PIK3CB: variants seen among roughly 807,000 people sequenced by gnomAD.
The protein encoded by PIK3CB is phosphatidylinositol-4,5-bisphosphate 3-kinase catalytic subunit beta.
In PIK3CB, 39 loss-of-function variants were observed where a neutral mutation model predicts 136.8. The observed-to-expected ratio is 0.29, with a 90% CI of 0.22 to 0.37. The LOEUF (loss-of-function observed/expected upper bound fraction) is 0.37, where lower values mean the gene tolerates loss of function less well. PIK3CB is among the 10% of genes least tolerant of loss of function. The probability of loss-of-function intolerance (pLI) is 1.00; values close to 1 mark genes in which losing one functional copy is unlikely to be tolerated. For missense variants in PIK3CB, 868 were observed against 1,275.4 expected (o/e 0.68, Z 4.87); for synonymous variants, 428 against 436.6 (o/e 0.98, Z 0.25).
At chr3:138,812,439 A>T (rs965414473) in intron 1 of PIK3CB, among the ~76,000 whole-genome samples, 2 of 150,782 alleles carry the variant, frequency 1.3e-5, no homozygotes, top group Admixed American at 6.6e-5. Context: ...GTTTCACCAC[A>T]TTGGTCAAAC....
At chr3:138,656,027 C>A (rs1394659991) in intron 23 of PIK3CB, 115 bp downstream of exon 23, 23 of 1,033,714 alleles carry the variant, frequency 2.2e-5, no homozygotes, top group Non-Finnish European at 3.3e-5. Flanking sequence ...GGCTAAGAAC[C>A]ATCTTAGAGG....
rs999401345 is a variant in PIK3CB, at chr3:138,655,211, G to A, written c.*178C>T. 4.9e-5 allele frequency: 29 copies of A among 597,622 alleles called. No homozygotes were observed. Among genetic ancestry groups the A allele is most frequent in the Non-Finnish European group, 7.9e-5 (27 of 341,434 alleles). The allele number at this position is 597,622 out of a possible 1,614,324, so 37.0% of individuals were successfully genotyped here. A position where few individuals can be genotyped will look rare whatever the true frequency, so the allele number is the denominator to read the frequency against. The stretch of plus-strand genomic sequence containing the variant: ...CTTGGAAGCATTCAAAAAGCAGAGG[G>A]AATCATCGGGGATTGTTCAGATTAG... On this transcript the variant is annotated 3_prime_UTR_variant, in exon 24 of 24. Transcript: ENST00000674063.
Position 138,721,546 on chromosome 3 carries a change from T to A in PIK3CB, c.1051-6827A>T, listed in dbSNP as rs1394951082. Among the ~76,000 whole-genome samples, 4 of 152,186 alleles carry A rather than the reference T, an allele frequency of 2.6e-5. No homozygotes were observed. The East Asian group carries it at 7.7e-4, about 29-fold the overall frequency. ...TATATACACTTTGATCTTATTTGACTTTAAATGAACACAACAAAGTCTCCA... is the reference window on the plus strand; with the variant it reads ...TATATACACTTTGATCTTATTTGACATTAAATGAACACAACAAAGTCTCCA... On this transcript the variant is annotated intron_variant, in intron 8 of 23. Transcript: ENST00000674063.
intron 2 of PIK3CB, among the ~76,000 whole-genome samples, chr3:138,774,587 T>C (rs1422363583): frequency 6.6e-6 from 1 of 152,206 alleles, no homozygotes; most frequent in Non-Finnish European, 1.5e-5. Flanking sequence ...ACAAGTACCA[T>C]CATGACAATC....
intron 1 of PIK3CB, among the ~76,000 whole-genome samples, chr3:138,823,939 G>A (rs1052258288): frequency 1.3e-5 from 2 of 152,128 alleles, no homozygotes; most frequent in African/African-American, 4.8e-5. Flanking sequence ...TGGAATTCAG[G>A]TCTTCATGGT....
chr3:138,674,060 T>C (rs965667252), intron 19 of PIK3CB, among the ~76,000 whole-genome samples: 1 of 151,952 alleles, frequency 6.6e-6, no homozygotes, highest in African/African-American at 2.4e-5. Flanking sequence ...TGGGGGTAAA[T>C]AACAGTTGGG....
At chr3:138,655,585 C>G (rs2108383236) in intron 23 of PIK3CB, 59 bp from the exon 24 acceptor site, 1 of 1,377,982 alleles carries the variant, frequency 7.3e-7, no homozygotes, top group Non-Finnish European at 1.0e-6. Context: ...GTGCAAATAT[C>G]AAAGTCTGCA....
rs181184928 is a variant in PIK3CB, at chr3:138,790,229, G to A, written c.-17+6234C>T. On this transcript the variant is annotated intron_variant, in intron 2 of 23. Coordinates refer to ENST00000674063, the MANE Select transcript of PIK3CB (RefSeq NM_006219.3). ...TATTATTTAATAGGTATGGAGTTTC[G>A]GTTAGGGATGATGAAAAAGTTCTGG... 3.7e-4 allele frequency among the ~76,000 whole-genome samples: 57 copies of A among 152,082 alleles called. 1 individual carries two copies. The East Asian group carries it at 9.1e-3, about 24-fold the overall frequency.
chr3:138,779,844 T>A (rs1264589165), intron 2 of PIK3CB, among the ~76,000 whole-genome samples: 1 of 152,012 alleles, frequency 6.6e-6, no homozygotes, highest in Non-Finnish European at 1.5e-5. Context: ...GCATTTCTTA[T>A]GAGAAATATT....
intron 2 of PIK3CB, among the ~76,000 whole-genome samples, chr3:138,785,032 G>A (rs1000112662): frequency 3.1e-4 from 47 of 151,860 alleles, no homozygotes; most frequent in Middle Eastern, 3.4e-3. Context: ...GAGCCCCTCC[G>A]CCCCGCAGCC....
At chr3:138,717,116 C>G (rs376785262) in intron 8 of PIK3CB, among the ~76,000 whole-genome samples, 1 of 149,642 alleles carries the variant, frequency 6.7e-6, no homozygotes, top group African/African-American at 2.5e-5. Context: ...TAGCTGGGCA[C>G]GGTGGCACAC....
intron 3 of PIK3CB, 39 bp from the exon 4 acceptor site, chr3:138,756,018 C>G (rs1011404089): frequency 1.7e-6 from 2 of 1,147,210 alleles, no homozygotes; most frequent in African/African-American, 1.5e-5. Flanking sequence ...AATGGAAACA[C>G]TTGCTCAAGT....
intron 8 of PIK3CB, among the ~76,000 whole-genome samples, chr3:138,721,157 A>G (rs1408400686): frequency 1.3e-5 from 2 of 151,638 alleles, no homozygotes; most frequent in Non-Finnish European, 2.9e-5. Flanking sequence ...TAGAAACTTC[A>G]TATCCTTAAG....
At chr3:138,818,855 TAG>T (rs1038373492) in intron 1 of PIK3CB, among the ~76,000 whole-genome samples, 1 of 152,200 alleles carries the variant, frequency 6.6e-6, no homozygotes, top group Non-Finnish European at 1.5e-5. Flanking sequence ...ATATGTTATA[TAG>T]AGTCTTAACT....
chr3:138,742,403 T>C (rs567463017), intron 5 of PIK3CB, among the ~76,000 whole-genome samples, 155 bp downstream of exon 5: 2 of 152,334 alleles, frequency 1.3e-5, no homozygotes, highest in Non-Finnish European at 2.9e-5. Context: ...TAGACTATTA[T>C]ATATAATCCT....
intron 23 of PIK3CB, 110 bp downstream of exon 23, chr3:138,656,032 T>C: frequency 9.0e-7 from 1 of 1,111,870 alleles, no homozygotes. Context: ...AGAACCATCT[T>C]AGAGGAAATG....
intron 2 of PIK3CB, among the ~76,000 whole-genome samples, chr3:138,784,711 G>A (rs990056726): frequency 1.3e-5 from 2 of 152,202 alleles, no homozygotes; most frequent in Non-Finnish European, 2.9e-5. Context: ...GATTGCAGAC[G>A]GAGTCTCGCT....
chr3:138,679,080 C>G (rs1161030497), intron 19 of PIK3CB, among the ~76,000 whole-genome samples: 1 of 151,588 alleles, frequency 6.6e-6, no homozygotes, highest in Non-Finnish European at 1.5e-5. Flanking sequence ...AACAAACAAA[C>G]AAACAAAAAA....
chr3:138,759,146 A>T (rs761967602), intron 3 of PIK3CB, 27 bp downstream of exon 3: 1 of 1,462,804 alleles, frequency 6.8e-7, no homozygotes, highest in Non-Finnish European at 9.5e-7. Flanking sequence ...TATGCTAAAC[A>T]CATAGAAATT....
Sources: allele counts gnomAD v4.1 joint callset (sites outside exome capture counted in the v4.1 genomes callset), GRCh38; gene constraint gnomAD v4.1.1; transcripts MANE v1.5; gene names NCBI Gene and HGNC (gene_info 2026-07-23, HGNC 2026-07-21).